Variants in PYGB observed in about 807,000 individuals in gnomAD.
The protein encoded by PYGB is glycogen phosphorylase B, also known as glycogen phosphorylase, brain form.
A neutral mutation model predicts 94.3 loss-of-function variants in PYGB; 82 were observed. The ratio of observed to expected loss-of-function variants is 0.87; its 90% CI spans 0.73 to 1.04. The LOEUF (loss-of-function observed/expected upper bound fraction) is 1.04. PYGB is among the 50% of genes least tolerant of loss of function. The pLI, the probability that PYGB is intolerant of heterozygous loss-of-function variation, is 0.00. For synonymous variants in PYGB, 488 were observed against 479.1 expected, an observed-to-expected ratio of 1.02 and a Z score of -0.24; for missense variants, 1,132 against 1,158.2, an observed-to-expected ratio of 0.98 and a Z score of 0.33.
chr20:25,283,242 G>T lies in PYGB; in HGVS notation c.1585G>T (p.Glu529Ter). The change falls in exon 13 of 20, where the codon GAG becomes TAG. Residue 529 changes from glutamate (E) to a stop codon, truncating the protein, a stop_gained. Transcript: ENST00000216962. LOFTEE classifies it high-confidence loss of function. ...LKKLLPLVSD[E>*]VFIRDVAKVK... is the part of the protein sequence containing the mutation. ...GAAGCTGCTGCCGCTGGTCAGTGAC[G>T]AGGTGTTCATCAGGGACGTGGCCAA... is the stretch of plus-strand genomic sequence containing the variant. 1 of 1,613,858 alleles carries T rather than the reference G, an allele frequency of 6.2e-7. No homozygotes were observed. Among genetic ancestry groups the T allele is most frequent in the Non-Finnish European group, 8.5e-7 (1 of 1,179,910 alleles).
At chr20:25,274,996 C>T (rs973539808) in intron 5 of PYGB, among the ~76,000 whole-genome samples, 1 of 148,210 alleles carries the variant, frequency 6.7e-6, no homozygotes. Flanking sequence ...GCTAAGAATG[C>T]AGCTGGGCGT....
Position 25,274,685 on chromosome 20 carries a change from G to A in PYGB, c.622G>A (p.Glu208Lys). ...TCCCGTGCACTTCTACGGACGCGTG[G>A]AGCACACCCCCGACGGCGTGAAGTG... is the stretch of plus-strand genomic sequence containing the variant. ...MLPVHFYGRVEHTPDGVKWLD... is the reference protein window; with the variant it reads ...MLPVHFYGRVKHTPDGVKWLD... The change falls in exon 5 of 20, where the codon GAG (glutamate) becomes AAG (lysine). Residue 208 changes from glutamate (E) to lysine (K), a missense_variant. Physicochemically the swap from Glu to Lys is moderately conservative, Grantham distance 56. Transcript: ENST00000216962. 6.2e-7 allele frequency: 1 copy of A among 1,613,728 alleles called. No homozygotes were observed. The highest frequency in any genetic ancestry group is 8.5e-7 in the Non-Finnish European group (1 of 1,180,006).
Position 25,248,440 on chromosome 20 carries a change from C to T in PYGB, c.243+19C>T, listed in dbSNP as rs2092877348. On this transcript the variant is annotated intron_variant, in intron 1 of 19. Coordinates refer to ENST00000216962, the MANE Select transcript of PYGB (RefSeq NM_002862.4). ...CCCCAAGGTGAGGCGCTGCCCCGCC[C>T]TGTGCGCCCGTGCCCGCTGAGAGGG... 2.8e-6 allele frequency: 4 copies of T among 1,406,752 alleles called. No homozygotes were observed. Among genetic ancestry groups the T allele is most frequent in the East Asian group, 3.0e-5 (1 of 33,416 alleles). 87.1% of individuals were successfully genotyped at this position (1,406,752 alleles called of 1,614,324 possible). A position where few individuals can be genotyped will look rare whatever the true frequency, so the allele number is the denominator to read the frequency against.
chr20:25,285,528 C>T lies in PYGB; in HGVS notation c.1768+1277C>T, dbSNP rs1040217850. 9.2e-5 allele frequency: 14 copies of T among 152,046 alleles called. 1 individual carries two copies. The highest frequency in any genetic ancestry group is 3.4e-4 in the African/African-American group (14 of 41,368). The allele number at this position is 152,046 out of a possible 1,614,324, so 9.4% of individuals were successfully genotyped here. On this transcript the variant is annotated intron_variant, in intron 14 of 19. Coordinates refer to ENST00000216962, the MANE Select transcript of PYGB (RefSeq NM_002862.4). ...TGTTGGCCTTCAGGCTTTCCAGATG[C>T]TCCACTTCTGCTTGGTTGGTTCATT...
intron 12 of PYGB, 56 bp from the exon 13 acceptor site, chr20:25,283,120 G>A (rs7272959): frequency 0.055 from 79,058 of 1,438,544 alleles, 4,468 homozygotes; most frequent in African/African-American, 0.29. Context: ...GGTGGCTAGG[G>A]GGCCCAGCCT....
chr20:25,286,499 T>C (rs1265857125), intron 14 of PYGB, among the ~76,000 whole-genome samples: 1 of 152,216 alleles, frequency 6.6e-6, no homozygotes, highest in Non-Finnish European at 1.5e-5. Flanking sequence ...TTCACTCCCC[T>C]CCTGTGGCCT....
intron 13 of PYGB, 122 bp from the exon 14 acceptor site, chr20:25,283,982 C>A: frequency 1.7e-6 from 2 of 1,201,998 alleles, no homozygotes; most frequent in Non-Finnish European, 2.3e-6. Flanking sequence ...TCAGCTCCAG[C>A]CTGTATACCC....
At chr20:25,265,241 A>G (rs1384149290) in intron 2 of PYGB, among the ~76,000 whole-genome samples, 3 of 152,112 alleles carry the variant, frequency 2.0e-5, no homozygotes, top group African/African-American at 7.2e-5. Context: ...AAGCTGAGAT[A>G]CCTAGAAATG....
At chr20:25,268,166 C>CCCCCG (rs1555806036) in intron 2 of PYGB, among the ~76,000 whole-genome samples, 1 of 83,308 alleles carries the variant, frequency 1.2e-5, no homozygotes, top group African/African-American at 8.0e-5. Context: ...CACCCGCCCC[C>CCCCCG]CCCCCATATC....
At chr20:25,256,270 T>C (rs193300203) in intron 1 of PYGB, among the ~76,000 whole-genome samples, 1 of 152,272 alleles carries the variant, frequency 6.6e-6, no homozygotes, top group East Asian at 1.9e-4. Context: ...AAGGTGTCTT[T>C]AGGTGATTGG....
intron 16 of PYGB, 108 bp downstream of exon 16, chr20:25,290,730 C>T (rs560481796): frequency 6.8e-7 from 1 of 1,464,548 alleles, no homozygotes; most frequent in Non-Finnish European, 9.4e-7. Context: ...TGCCTGGACA[C>T]CCAGACCTAG....
intron 1 of PYGB, among the ~76,000 whole-genome samples, chr20:25,255,800 C>T (rs1333198617): frequency 5.3e-5 from 8 of 151,528 alleles, no homozygotes; most frequent in Admixed American, 5.3e-4. Context: ...GTGGCGCGAT[C>T]TCTACTCACT....
chr20:25,294,976 C>T (rs2088517780), intron 18 of PYGB: 4 of 1,614,200 alleles, frequency 2.5e-6, no homozygotes, highest in Non-Finnish European at 3.4e-6. Flanking sequence ...GCTTCAGTCA[C>T]ACCAGCTCTG....
chr20:25,282,199 C>A, intron 12 of PYGB, 52 bp downstream of exon 12: 2 of 1,439,512 alleles, frequency 1.4e-6, no homozygotes, highest in South Asian at 1.2e-5. Flanking sequence ...CTGAGAACCG[C>A]GGGCCATGTC....
chr20:25,259,727 C>T (rs1044612726), intron 2 of PYGB, among the ~76,000 whole-genome samples: 6 of 152,306 alleles, frequency 3.9e-5, no homozygotes, highest in Middle Eastern at 3.4e-3. Flanking sequence ...AGATGACCTC[C>T]GGAGCTCACC....
chr20:25,256,018 C>T (rs1032385750), intron 1 of PYGB, among the ~76,000 whole-genome samples: 4 of 152,196 alleles, frequency 2.6e-5, no homozygotes, highest in Non-Finnish European at 4.4e-5. Flanking sequence ...TAGGCATGAG[C>T]CATCACACCT....
rs1276545821 is a variant in PYGB, at chr20:25,297,870, T to A, written c.*1348T>A. The A allele has an allele frequency of 6.6e-6, 1 of 152,318 alleles. No individual in the cohort carries two copies. Among genetic ancestry groups the A allele is most frequent in the East Asian group, 1.9e-4 (1 of 5,186 alleles). The allele number at this position is 152,318 out of a possible 1,614,324, so 9.4% of individuals were successfully genotyped here. ...GCTGTGGTCGTGCCCTGACAGCATC[T>A]TCCCCAGGCAGCGGCTCTGTGGAGG... On this transcript the variant is annotated 3_prime_UTR_variant, in exon 20 of 20. Transcript: ENST00000216962.
In PYGB at chr20:25,269,144, G is replaced by C; in HGVS notation, c.361G>C (p.Glu121Gln). Reference sequence around the variant, plus strand: ...TTGTTTGCAGTTGGGGTTAGACTTGGAGGAACTCGAGGAGATAGAAGAAGA... The same window carrying C: ...TTGTTTGCAGTTGGGGTTAGACTTGCAGGAACTCGAGGAGATAGAAGAAGA... Reference protein sequence around the residue: ...EAIYQLGLDLEELEEIEEDAG... With the variant: ...EAIYQLGLDLQELEEIEEDAG... Residue 121 changes from glutamate to glutamine, a missense_variant, in exon 3 of 20, where the codon GAG becomes CAG. Glu to Gln is a conservative substitution (Grantham distance 29). Coordinates refer to ENST00000216962, the MANE Select transcript of PYGB (RefSeq NM_002862.4). 1.3e-6 allele frequency: 2 copies of C among 1,592,622 alleles called. No homozygotes were observed. The highest frequency in any genetic ancestry group is 8.6e-7 in the Non-Finnish European group (1 of 1,160,396).
intron 18 of PYGB, among the ~76,000 whole-genome samples, chr20:25,294,494 G>A (rs1055470353): frequency 2.0e-5 from 3 of 152,224 alleles, no homozygotes; most frequent in South Asian, 2.1e-4. Context: ...ATGCCAGGGG[G>A]CCCTGGGCAG....
Sources: gnomAD v4.1 joint callset for allele counts (sites outside exome capture counted in the v4.1 genomes callset) on GRCh38, gnomAD v4.1.1 for gene constraint, MANE v1.5 for transcripts, NCBI Gene and HGNC (gene_info 2026-07-23, HGNC 2026-07-21) for gene names.